The following MCC variants were observed in gnomAD, a reference collection of about 807,000 sequenced individuals.
The protein encoded by MCC is MCC regulator of Wnt signaling pathway, also known as colorectal mutant cancer protein.
MCC carries 90 observed loss-of-function variants against 116.2 expected under a neutral mutation model. The observed-to-expected ratio is 0.77, with a 90% confidence interval of 0.65 to 0.92. MCC has a LOEUF of 0.92. MCC is among the 40% of genes least tolerant of loss of function. The pLI is 0.00. For missense variants in MCC, 1,516 were observed against 1,312.2 expected, an observed-to-expected ratio of 1.16 and a Z score of -2.40; for synonymous variants, 578 against 510.5, an observed-to-expected ratio of 1.13 and a Z score of -1.78.
intron 6 of MCC, chr5:113,104,652 G>C (rs1213626892): frequency 1.3e-5 from 3 of 239,380 alleles, no homozygotes; most frequent in African/African-American, 2.2e-5. Context: ...AGAGGCTGTT[G>C]GCACTTCCAG....
chr5:113,197,401 G>A (rs566931271), intron 3 of MCC, among the ~76,000 whole-genome samples: 2 of 152,212 alleles, frequency 1.3e-5, no homozygotes, highest in South Asian at 4.1e-4. Context: ...TCTTTTTTAG[G>A]CAGTGAAAAG....
intron 3 of MCC, among the ~76,000 whole-genome samples, chr5:113,240,108 G>C (rs1442374685): frequency 1.3e-5 from 2 of 152,142 alleles, no homozygotes. Context: ...ATGGAGGGTG[G>C]TAGAAAGCTG....
At position 113,419,156 on chromosome 5, in the gene MCC, CT is replaced by C. The variant is rs768872637; in HGVS notation, c.171-33945del. Among the ~76,000 whole-genome samples the C allele has an allele frequency of 2.1e-4, 31 of 150,300 alleles. 4 individuals carry two copies. Among genetic ancestry groups the C allele is most frequent in the Admixed American group, 7.3e-4 (11 of 15,098 alleles). On this transcript the variant is annotated intron_variant, in intron 1 of 18. Coordinates refer to ENST00000408903, the MANE Select transcript of MCC (RefSeq NM_001085377.2). ...TTCTTTTGAAGGTGATAGGAATATT[CT>C]TTTTTTTCTTTCTTTTTTTTTTTTT...
chr5:113,137,351 A>G (rs1436435486), intron 5 of MCC, among the ~76,000 whole-genome samples: 1 of 152,180 alleles, frequency 6.6e-6, no homozygotes, highest in Non-Finnish European at 1.5e-5. Flanking sequence ...TGGGTGGGAC[A>G]CAGAGCCAAA....
rs1474445979 is a variant in MCC at position 113,340,646 on chromosome 5, G to A, written c.500C>T (p.Ala167Val). 2 of 1,614,146 alleles carry A rather than the reference G, an allele frequency of 1.2e-6. No individual in the cohort carries two copies. Among genetic ancestry groups the A allele is most frequent in the Admixed American group, 3.3e-5 (2 of 60,012 alleles). ...LQSPDVQSQS[A>V]LQKLLEYGGS... ...GCCATACTCGAGCAGCTTCTGGAGGGCTGACTGGCTCTGCACATCCGGGCT... is the reference window on the plus strand; with the variant it reads ...GCCATACTCGAGCAGCTTCTGGAGGACTGACTGGCTCTGCACATCCGGGCT... The change falls in exon 3 of 19, where the codon GCC becomes GTC. Residue 167 changes from alanine to valine, a missense_variant. Ala to Val is a moderately conservative substitution (Grantham distance 64). Coordinates refer to ENST00000408903, the MANE Select transcript of MCC (RefSeq NM_001085377.2).
chr5:113,097,554 C>G (rs940827398), intron 8 of MCC, among the ~76,000 whole-genome samples: 55 of 152,142 alleles, frequency 3.6e-4, no homozygotes, highest in African/African-American at 1.3e-3. Context: ...ATATAAAGTA[C>G]TATTTTGCAG....
At chr5:113,104,385 C>T (rs1756612053) in intron 6 of MCC, 30 bp from the exon 7 acceptor site, 3 of 1,570,584 alleles carry the variant, frequency 1.9e-6, no homozygotes, top group African/African-American at 1.3e-5. Flanking sequence ...AAATGCGTTA[C>T]ACAGGGCAAC....
At chr5:113,132,431 T>TATATATACACACATAC in intron 5 of MCC, among the ~76,000 whole-genome samples, 1 of 69,088 alleles carries the variant, frequency 1.4e-5, no homozygotes, top group African/African-American at 5.0e-5. Flanking sequence ...CACATACATA[T>TATATATACACACATAC]ATATATATAT....
At chr5:113,333,994 GCTT>G (rs780744196) in intron 3 of MCC, among the ~76,000 whole-genome samples, 143 of 143,820 alleles carry the variant, frequency 9.9e-4, no homozygotes, top group Non-Finnish European at 1.8e-3. Context: ...TATGCACATG[GCTT>G]CTTTTATAGT....
At chr5:113,235,929 G>A (rs985018764) in intron 3 of MCC, among the ~76,000 whole-genome samples, 2 of 152,118 alleles carry the variant, frequency 1.3e-5, no homozygotes, top group African/African-American at 4.8e-5. Flanking sequence ...GTTAAAATTC[G>A]GTCAGAGTCT....
chr5:113,287,616 C>A (rs796245391), intron 3 of MCC, among the ~76,000 whole-genome samples: 3 of 152,192 alleles, frequency 2.0e-5, no homozygotes, highest in East Asian at 3.9e-4. Context: ...TGAGCCACCA[C>A]GCCCAGCCCA....
chr5:113,416,029 T>G (rs1770135118), intron 1 of MCC, among the ~76,000 whole-genome samples: 1 of 152,200 alleles, frequency 6.6e-6, no homozygotes, highest in African/African-American at 2.4e-5. Flanking sequence ...GTCAGGTCCC[T>G]AAGCTGCAGG....
intron 3 of MCC, among the ~76,000 whole-genome samples, chr5:113,241,959 G>T (rs1261803734): frequency 2.0e-5 from 3 of 152,104 alleles, no homozygotes; most frequent in Admixed American, 6.5e-5. Context: ...AAAAACAGGT[G>T]GCCATATATT....
intron 3 of MCC, among the ~76,000 whole-genome samples, chr5:113,194,345 G>A (rs909288246): frequency 2.6e-5 from 4 of 152,148 alleles, no homozygotes; most frequent in African/African-American, 7.2e-5. Flanking sequence ...CCATAGAAGA[G>A]AGAAAAACAA....
At position 113,037,835 on chromosome 5, in the gene MCC, G is replaced by C. The variant is rs528050804; in HGVS notation, c.2756+5695C>G. ...AAAGCAAAGGGTGTGCTCTTGGAAAGATGAATTGTCCAGAGGGGCTGGACT... is the reference window on the plus strand; with the variant it reads ...AAAGCAAAGGGTGTGCTCTTGGAAACATGAATTGTCCAGAGGGGCTGGACT... On this transcript the variant is annotated intron_variant, in intron 17 of 18. Coordinates refer to ENST00000408903, the MANE Select transcript of MCC (RefSeq NM_001085377.2). Among the ~76,000 whole-genome samples the C allele has an allele frequency of 3.9e-5, 6 of 152,330 alleles. 1 individual carries two copies. The highest frequency in any genetic ancestry group is 1.4e-4 in the African/African-American group (6 of 41,574).
chr5:113,482,474 C>G (rs200464329), intron 1 of MCC, among the ~76,000 whole-genome samples: 3 of 151,854 alleles, frequency 2.0e-5, no homozygotes, highest in Admixed American at 6.6e-5. Flanking sequence ...GTAGAATTCC[C>G]ATGGTAGTTT....
At chr5:113,236,608 G>A in intron 3 of MCC, among the ~76,000 whole-genome samples, 1 of 152,208 alleles carries the variant, frequency 6.6e-6, no homozygotes, top group South Asian at 2.1e-4. Context: ...GCATATAATT[G>A]AGTGCCATTA....
intron 5 of MCC, among the ~76,000 whole-genome samples, chr5:113,142,411 T>TCCTCTGA (rs1759232807): frequency 6.6e-6 from 1 of 151,738 alleles, no homozygotes; most frequent in South Asian, 2.1e-4. Flanking sequence ...AGCAAACCTC[T>TCCTCTGA]CCTCTGAGGA....
At chr5:113,350,480 G>T (rs928109982) in intron 2 of MCC, among the ~76,000 whole-genome samples, 1 of 151,964 alleles carries the variant, frequency 6.6e-6, no homozygotes, top group Non-Finnish European at 1.5e-5. Flanking sequence ...GGGAAAACTG[G>T]TATCTTATTC....
Sources: gnomAD v4.1 joint callset for allele counts (sites outside exome capture counted in the v4.1 genomes callset) on GRCh38, gnomAD v4.1.1 for gene constraint, MANE v1.5 for transcripts, NCBI Gene and HGNC (gene_info 2026-07-23, HGNC 2026-07-21) for gene names.